Variants in ASTN1 observed in about 807,000 individuals in gnomAD.
ASTN1 encodes the protein astrotactin 1.
A neutral mutation model predicts 140.7 loss-of-function variants in ASTN1; 41 were observed. The ratio of observed to expected loss-of-function variants is 0.29; its 90% CI spans 0.23 to 0.38. ASTN1 has a LOEUF of 0.38. Ranked by LOEUF, ASTN1 falls within the 10% of genes least tolerant of loss-of-function variation. The pLI, the probability that ASTN1 is intolerant of heterozygous loss-of-function variation, is 1.00. For synonymous variants in ASTN1, 640 were observed against 652.2 expected (o/e 0.98, Z 0.29); for missense variants, 1,479 against 1,678.8 (o/e 0.88, Z 2.08).
In ASTN1 at chr1:177,027,713, A is replaced by AGTGTGTGTGTGT. The variant is rs56405518; in HGVS notation, c.1120+1909_1120+1920dup. ...TCTCCTCTTTTGAGAAACCCAGTAC[A>AGTGTGTGTGTGT]GTGTGTGTGTGTGTGTGTGTGTGTG... On this transcript the variant is annotated intron_variant, in intron 5 of 22. Coordinates refer to ENST00000361833, the MANE Select transcript of ASTN1 (RefSeq NM_004319.3). Among the ~76,000 whole-genome samples the AGTGTGTGTGTGT allele has an allele frequency of 5.1e-4, 61 of 118,612 alleles. 1 individual carries two copies. Among genetic ancestry groups the AGTGTGTGTGTGT allele is most frequent in the East Asian group, 1.9e-3 (8 of 4,126 alleles). The allele number at this position is 118,612 out of a possible 152,430, so 77.8% of individuals were successfully genotyped here. A position where few individuals can be genotyped will look rare whatever the true frequency, so the allele number is the denominator to read the frequency against.
intron 2 of ASTN1, among the ~76,000 whole-genome samples, chr1:177,036,640 G>T (rs1676732928): frequency 6.6e-6 from 1 of 151,878 alleles, no homozygotes; most frequent in Non-Finnish European, 1.5e-5. Context: ...TCTCTGAAAT[G>T]CTCTACCTGC....
intron 2 of ASTN1, among the ~76,000 whole-genome samples, chr1:177,047,954 A>C (rs368920277): frequency 3.3e-5 from 5 of 152,220 alleles, no homozygotes; most frequent in Non-Finnish European, 7.3e-5. Flanking sequence ...TGGAACGATC[A>C]GCTAGGTAAG....
chr1:177,099,314 T>A (rs984508001), intron 1 of ASTN1, among the ~76,000 whole-genome samples: 2 of 152,282 alleles, frequency 1.3e-5, no homozygotes, highest in East Asian at 3.9e-4. Context: ...ATAATCTTTT[T>A]TAAAGTCCTC....
chr1:176,941,697 C>G (rs992194564), intron 14 of ASTN1, among the ~76,000 whole-genome samples: 3 of 152,204 alleles, frequency 2.0e-5, no homozygotes, highest in Admixed American at 6.5e-5. Flanking sequence ...ACTTTTCTGG[C>G]TATCTCATAA....
chr1:176,897,277 A>C (rs1008400649), intron 16 of ASTN1, among the ~76,000 whole-genome samples: 2 of 150,368 alleles, frequency 1.3e-5, no homozygotes, highest in Middle Eastern at 3.4e-3. Context: ...TCCGTCTCAA[A>C]AAAAAAAAAA....
chr1:176,922,793 C>G (rs1670792438), intron 16 of ASTN1, among the ~76,000 whole-genome samples: 1 of 152,036 alleles, frequency 6.6e-6, no homozygotes, highest in South Asian at 2.1e-4. Context: ...GTGAATTTTA[C>G]CCAGGGCAAG....
At chr1:177,056,900 G>A (rs1677835261) in intron 2 of ASTN1, among the ~76,000 whole-genome samples, 1 of 152,204 alleles carries the variant, frequency 6.6e-6, no homozygotes, top group South Asian at 2.1e-4. Flanking sequence ...TTTAACTGAC[G>A]AATTGCTTGA....
intron 8 of ASTN1, among the ~76,000 whole-genome samples, chr1:176,988,873 AT>A (rs1422758801): frequency 1.3e-5 from 2 of 152,232 alleles, no homozygotes; most frequent in African/African-American, 4.8e-5. Context: ...GTTTCTACAT[AT>A]ATACACCTCC....
chr1:177,070,038 T>C (rs1479503819), intron 1 of ASTN1, among the ~76,000 whole-genome samples: 1 of 152,222 alleles, frequency 6.6e-6, no homozygotes, highest in East Asian at 1.9e-4. Context: ...GTAAGGTATG[T>C]AATAATATTT....
At chr1:176,995,328 G>T (rs1674387535) in intron 8 of ASTN1, among the ~76,000 whole-genome samples, 1 of 152,186 alleles carries the variant, frequency 6.6e-6, no homozygotes, top group South Asian at 2.1e-4. Context: ...CAATGGCAGA[G>T]ATATGCAAGG....
intron 16 of ASTN1, among the ~76,000 whole-genome samples, chr1:176,929,744 C>T (rs1671122437): frequency 6.6e-6 from 1 of 152,206 alleles, no homozygotes; most frequent in South Asian, 2.1e-4. Context: ...CACGGTGGCT[C>T]ACGCCAGTAA....
chr1:177,095,080 T>C (rs778751981), intron 1 of ASTN1, among the ~76,000 whole-genome samples: 1 of 152,198 alleles, frequency 6.6e-6, no homozygotes, highest in Non-Finnish European at 1.5e-5. Context: ...TTGTGAGTGA[T>C]GAAATTGGAT....
intron 1 of ASTN1, among the ~76,000 whole-genome samples, chr1:177,132,655 G>A (rs1681996467): frequency 6.6e-6 from 1 of 152,048 alleles, no homozygotes; most frequent in Non-Finnish European, 1.5e-5. Context: ...GATCTACCTG[G>A]GACTGAACTC....
rs201792392 is a variant in ASTN1, at chr1:177,142,903, A to AG, written c.283+21490dup. 8.3e-4 allele frequency among the ~76,000 whole-genome samples: 113 copies of AG among 135,542 alleles called. 1 individual carries two copies. The highest frequency in any genetic ancestry group is 1.5e-3 in the African/African-American group (44 of 29,438). The allele number at this position is 135,542 out of a possible 152,430, so 88.9% of individuals were successfully genotyped here. ...AAAGGAGCAAGGAGGAAAAAAAAAAAGGGGGGGAGGGGTGCTGAGTTTCAA... is the reference window on the plus strand; with the variant it reads ...AAAGGAGCAAGGAGGAAAAAAAAAAAGGGGGGGGAGGGGTGCTGAGTTTCAA... On this transcript the variant is annotated intron_variant, in intron 1 of 22. Transcript: ENST00000361833.
chr1:177,031,126 A>C (rs563525473), intron 3 of ASTN1, among the ~76,000 whole-genome samples, 174 bp from the exon 4 acceptor site: 2 of 152,320 alleles, frequency 1.3e-5, no homozygotes, highest in East Asian at 3.9e-4. Flanking sequence ...TTTCTGAGGG[A>C]CTGCAAAGTT....
At chr1:177,089,433 T>A (rs1171456126) in intron 1 of ASTN1, among the ~76,000 whole-genome samples, 1 of 151,892 alleles carries the variant, frequency 6.6e-6, no homozygotes, top group Non-Finnish European at 1.5e-5. Context: ...GGGAGAGAAA[T>A]AGAAAAAGAG....
chr1:176,866,120 C>T (rs777275760), intron 22 of ASTN1, among the ~76,000 whole-genome samples: 1 of 152,150 alleles, frequency 6.6e-6, no homozygotes, highest in Non-Finnish European at 1.5e-5. Context: ...ACAATAGCCA[C>T]ATTCCTTTCA....
intron 16 of ASTN1, among the ~76,000 whole-genome samples, chr1:176,895,186 A>G (rs576125957): frequency 1.9e-4 from 29 of 152,336 alleles, no homozygotes; most frequent in African/African-American, 7.0e-4. Flanking sequence ...AAAGATACGA[A>G]TAGTATCTAT....
chr1:176,916,504 G>A (rs1278952177), intron 16 of ASTN1, among the ~76,000 whole-genome samples: 2 of 152,132 alleles, frequency 1.3e-5, no homozygotes, highest in Non-Finnish European at 2.9e-5. Context: ...TCCCCGCAGA[G>A]CCCACAGGTT....
Sources: gnomAD v4.1 joint callset for allele counts (sites outside exome capture counted in the v4.1 genomes callset) on GRCh38, gnomAD v4.1.1 for gene constraint, MANE v1.5 for transcripts, NCBI Gene and HGNC (gene_info 2026-07-23, HGNC 2026-07-21) for gene names.